NRG3: variants seen among roughly 807,000 people sequenced by gnomAD.
NRG3 encodes pro-neuregulin-3, membrane-bound isoform.
A neutral mutation model predicts 66.9 loss-of-function variants in NRG3; 31 were observed. The ratio of observed to expected loss-of-function variants is 0.46; its 90% confidence interval spans 0.35 to 0.63. NRG3 has a LOEUF of 0.63. Among genes scored for constraint, NRG3 ranks in the 20% least tolerant of loss-of-function variants. NRG3 has a pLI of 0.00. For synonymous variants in NRG3, 393 were observed against 359.4 expected, an observed-to-expected ratio of 1.09 and a Z score of -1.06; for missense variants, 910 against 878.9, an observed-to-expected ratio of 1.04 and a Z score of -0.45.
intron 1 of NRG3, among the ~76,000 whole-genome samples, chr10:81,876,735 G>A (rs143259888): frequency 1.3e-5 from 2 of 152,304 alleles, no homozygotes; most frequent in Admixed American, 6.5e-5. Flanking sequence ...ACCAGAAAGG[G>A]TTAATTAGAA....
chr10:82,626,686 C>T (rs2049446020), intron 2 of NRG3, among the ~76,000 whole-genome samples: 1 of 152,136 alleles, frequency 6.6e-6, no homozygotes, highest in African/African-American at 2.4e-5. Context: ...CCCATTTCCA[C>T]ACCCTGCAAC....
chr10:82,962,872 A>G (rs969322926), intron 6 of NRG3, among the ~76,000 whole-genome samples: 6 of 152,102 alleles, frequency 3.9e-5, no homozygotes, highest in African/African-American at 1.4e-4. Flanking sequence ...AAACCAAAAA[A>G]GAATTTAGTG....
chr10:82,846,250 G>C (rs1370947580), intron 3 of NRG3, among the ~76,000 whole-genome samples: 1 of 152,046 alleles, frequency 6.6e-6, no homozygotes, highest in Non-Finnish European at 1.5e-5. Flanking sequence ...TTGGCTACGA[G>C]AGAAAAAGAG....
chr10:82,432,526 T>G (rs999838453), intron 2 of NRG3, among the ~76,000 whole-genome samples: 1 of 150,598 alleles, frequency 6.6e-6, no homozygotes, highest in Admixed American at 6.6e-5. Context: ...AGGATACATG[T>G]GCAGATCGTG....
intron 4 of NRG3, among the ~76,000 whole-genome samples, chr10:82,932,086 TC>T (rs1242068155): frequency 6.6e-6 from 1 of 152,178 alleles, no homozygotes; most frequent in Non-Finnish European, 1.5e-5. Flanking sequence ...CATCCCCAAA[TC>T]TTCTGCAGCA....
chr10:82,714,240 C>G (rs1296888603), intron 2 of NRG3, among the ~76,000 whole-genome samples: 1 of 152,062 alleles, frequency 6.6e-6, no homozygotes, highest in East Asian at 1.9e-4. Flanking sequence ...GTGCTGAGAA[C>G]ACTTTATATC....
intron 1 of NRG3, among the ~76,000 whole-genome samples, chr10:82,319,113 G>C (rs11193678): frequency 0.19 from 29,213 of 152,166 alleles, 5,253 homozygotes; most frequent in African/African-American, 0.47. Context: ...CATGCTCTGT[G>C]ACTTTAAAAT....
At chr10:82,931,157 G>A (rs533570386) in intron 4 of NRG3, among the ~76,000 whole-genome samples, 2 of 152,074 alleles carry the variant, frequency 1.3e-5, no homozygotes, top group South Asian at 2.1e-4. Context: ...TCCAATTTTT[G>A]TCTATACTAG....
At chr10:82,070,880 G>T (rs568682708) in intron 1 of NRG3, among the ~76,000 whole-genome samples, 6 of 152,180 alleles carry the variant, frequency 3.9e-5, no homozygotes, top group Admixed American at 1.3e-4. Flanking sequence ...TTGGCAAGTT[G>T]GCAATATGTC....
intron 1 of NRG3, among the ~76,000 whole-genome samples, chr10:81,898,699 GT>G (rs574810616): frequency 0.04 from 5,835 of 144,514 alleles, 128 homozygotes; most frequent in Non-Finnish European, 0.044. Flanking sequence ...TGTTTGAAGA[GT>G]TTTTTTTTTT....
At chr10:82,074,039 A>T (rs1035134579) in intron 1 of NRG3, among the ~76,000 whole-genome samples, 1 of 152,044 alleles carries the variant, frequency 6.6e-6, no homozygotes, top group Non-Finnish European at 1.5e-5. Flanking sequence ...GAAAAGAGAG[A>T]TACAGCAGCA....
intron 2 of NRG3, among the ~76,000 whole-genome samples, chr10:82,404,577 G>T (rs2087360923): frequency 6.6e-6 from 1 of 152,136 alleles, no homozygotes; most frequent in African/African-American, 2.4e-5. Context: ...TTGAATGAAT[G>T]AATGAAGGAT....
intron 4 of NRG3, among the ~76,000 whole-genome samples, chr10:82,929,875 CA>C (rs560959914): frequency 0.06 from 4,776 of 79,360 alleles, 77 homozygotes; most frequent in Middle Eastern, 0.14. Flanking sequence ...GACTCCATCT[CA>C]AAAAAAAAAA....
At chr10:81,880,726 G>C (rs1399828893) in intron 1 of NRG3, among the ~76,000 whole-genome samples, 2 of 152,190 alleles carry the variant, frequency 1.3e-5, no homozygotes, top group East Asian at 3.9e-4. Context: ...AGTTGGCCCT[G>C]AAGTATATAA....
chr10:82,187,862 C>T (rs2133307794), intron 1 of NRG3, among the ~76,000 whole-genome samples: 1 of 152,042 alleles, frequency 6.6e-6, no homozygotes, highest in South Asian at 2.1e-4. Flanking sequence ...AGAAGCTCAT[C>T]TAGAATACTA....
intron 1 of NRG3, among the ~76,000 whole-genome samples, chr10:82,276,843 G>A (rs1276616515): frequency 6.6e-6 from 1 of 151,984 alleles, no homozygotes; most frequent in African/African-American, 2.4e-5. Context: ...AACTTCGTGT[G>A]TGTATAGCAC....
chr10:82,003,580 A>G (rs953273626), intron 1 of NRG3, among the ~76,000 whole-genome samples: 1 of 152,138 alleles, frequency 6.6e-6, no homozygotes, highest in African/African-American at 2.4e-5. Flanking sequence ...GCATTTTAAG[A>G]ATGACAGAGT....
chr10:82,506,590 C>G (rs945357448), intron 2 of NRG3, among the ~76,000 whole-genome samples: 1 of 152,050 alleles, frequency 6.6e-6, no homozygotes, highest in Non-Finnish European at 1.5e-5. Context: ...CCTACCTTTC[C>G]TCTTTCTGTC....
chr10:81,883,983 GTTAT>G (rs918249938), intron 1 of NRG3, among the ~76,000 whole-genome samples: 1 of 152,164 alleles, frequency 6.6e-6, no homozygotes, highest in Admixed American at 6.5e-5. Flanking sequence ...CATTCTTCGT[GTTAT>G]TTATTTTTGA....
Sources: gnomAD v4.1 joint callset for allele counts (sites outside exome capture counted in the v4.1 genomes callset) on GRCh38, gnomAD v4.1.1 for gene constraint, MANE v1.5 for transcripts, NCBI Gene and HGNC (gene_info 2026-07-23, HGNC 2026-07-21) for gene names.